The following RNF8 variants were observed in gnomAD, a reference collection of about 807,000 sequenced individuals.
RNF8 encodes E3 ubiquitin-protein ligase RNF8.
Under a neutral mutation model 59.3 loss-of-function variants are expected in RNF8, and 8 were observed. The observed-to-expected ratio is 0.13, with a 90% CI of 0.08 to 0.24. The LOEUF is 0.24. Among genes scored for constraint, RNF8 ranks in the 10% least tolerant of loss-of-function variants. RNF8 has a pLI of 1.00. For missense variants in RNF8, 406 were observed against 572.6 expected (o/e 0.71, Z 2.97); for synonymous variants, 162 against 200.0 (o/e 0.81, Z 1.60).
chr6:37,384,549 C>A (rs1770416544), intron 7 of RNF8, among the ~76,000 whole-genome samples: 1 of 152,224 alleles, frequency 6.6e-6, no homozygotes, highest in South Asian at 2.1e-4. Context: ...GAATCTGTGA[C>A]ACAAAGACCC....
rs183645889 is a variant in RNF8, at chr6:37,392,415, G to T, written c.*1657G>T. On this transcript the variant is annotated 3_prime_UTR_variant, in exon 8 of 8. Coordinates refer to ENST00000373479, the MANE Select transcript of RNF8 (RefSeq NM_003958.4). The stretch of plus-strand genomic sequence containing the variant: ...TTTGAAATTAAAGGTACAAAATGGC[G>T]TAGAATGAAATGCCTCTCACCCTTT... 2 of 398,442 alleles carry T rather than the reference G, an allele frequency of 5.0e-6. No homozygotes were observed. Among genetic ancestry groups the T allele is most frequent in the African/African-American group, 4.1e-5 (2 of 48,636 alleles). 24.7% of individuals were successfully genotyped at this position (398,442 alleles called of 1,614,324 possible).
intron 2 of RNF8, 140 bp from the exon 3 acceptor site, chr6:37,368,344 G>A (rs772180660): frequency 3.0e-5 from 48 of 1,593,896 alleles, no homozygotes; most frequent in African/African-American, 6.7e-5. Context: ...AAGGATGGTC[G>A]TTTATGAATC....
chr6:37,377,488 T>G (rs1641531221), intron 6 of RNF8, among the ~76,000 whole-genome samples: 1 of 152,182 alleles, frequency 6.6e-6, no homozygotes, highest in South Asian at 2.1e-4. Context: ...ACTATTTGAT[T>G]TCAAAGTCAC....
intron 2 of RNF8, among the ~76,000 whole-genome samples, chr6:37,363,578 C>T (rs557159204): frequency 1.0e-3 from 157 of 152,330 alleles, no homozygotes; most frequent in African/African-American, 3.4e-3. Context: ...TCTACACATT[C>T]ACCAGAGTGG....
intron 7 of RNF8, among the ~76,000 whole-genome samples, chr6:37,383,795 T>G (rs1770375384): frequency 6.6e-6 from 1 of 152,186 alleles, no homozygotes; most frequent in South Asian, 2.1e-4. Context: ...TCTTGTATCA[T>G]GAGTCACTGT....
chr6:37,384,395 G>A (rs9470569), intron 7 of RNF8, among the ~76,000 whole-genome samples: 1 of 152,008 alleles, frequency 6.6e-6, no homozygotes, highest in Non-Finnish European at 1.5e-5. Context: ...ACCCCGCTCC[G>A]CCCCCCAAAG....
At position 37,390,819 on chromosome 6, in the gene RNF8, A is replaced by G; in HGVS notation, c.*61A>G. 6.2e-7 allele frequency: 1 copy of G among 1,614,058 alleles called. No individual in the cohort carries two copies. The highest frequency in any genetic ancestry group is 8.5e-7 in the Non-Finnish European group (1 of 1,179,948). On this transcript the variant is annotated 3_prime_UTR_variant, in exon 8 of 8. Transcript: ENST00000373479. ...GTAGTGCGAGCCTGAGATGGTCTGG[A>G]GGATTCTCTCTAGCCGTGACTCCGC...
chr6:37,374,513 C>G lies in RNF8; in HGVS notation c.1039-107C>G, dbSNP rs986845426. 3.0e-5 allele frequency: 24 copies of G among 787,234 alleles called. No individual in the cohort carries two copies. In the African/African-American group the frequency reaches 4.2e-4, roughly 14 times the overall value. The allele number at this position is 787,234 out of a possible 1,614,324, so 48.8% of individuals were successfully genotyped here. ...TTTGAAATTGCCAATTTATCGATCC[C>G]TGAACCACAAAGTCACTAACTAGAG... On this transcript the variant is annotated intron_variant, in intron 4 of 7. Coordinates refer to ENST00000373479, the MANE Select transcript of RNF8 (RefSeq NM_003958.4).
chr6:37,370,589 G>C (rs1769760908), intron 3 of RNF8, among the ~76,000 whole-genome samples: 1 of 152,052 alleles, frequency 6.6e-6, no homozygotes, highest in African/African-American at 2.4e-5. Context: ...ATAGTGAAGT[G>C]TATCTAGTCC....
At chr6:37,357,999 T>C (rs1769182753) in intron 1 of RNF8, among the ~76,000 whole-genome samples, 1 of 152,182 alleles carries the variant, frequency 6.6e-6, no homozygotes, top group Non-Finnish European at 1.5e-5. Flanking sequence ...TACTTCCTAA[T>C]AACTGAAGAA....
rs192970670 is a variant in RNF8, at chr6:37,360,287, C to A, written c.112-159C>A. 6.6e-6 allele frequency among the ~76,000 whole-genome samples: 1 copy of A among 152,284 alleles called. No individual in the cohort carries two copies. Among genetic ancestry groups the A allele is most frequent in the East Asian group, 1.9e-4 (1 of 5,180 alleles). On this transcript the variant is annotated intron_variant, in intron 1 of 7. Coordinates refer to ENST00000373479, the MANE Select transcript of RNF8 (RefSeq NM_003958.4). This position sits in a 1 kb window ranked among gnomAD's most constrained non-coding sequence, Gnocchi z 4.2. ...TTTTTCTACTTGGTGGTTCTCAAGA[C>A]AGCTGAAGAGGAGATAGCTGATGCA...
At chr6:37,355,657 T>C (rs1479384911) in intron 1 of RNF8, among the ~76,000 whole-genome samples, 1 of 152,214 alleles carries the variant, frequency 6.6e-6, no homozygotes, top group African/African-American at 2.4e-5. Context: ...GGGAGTGTTA[T>C]AAAGGGTTAC....
chr6:37,358,681 G>A (rs1299419976), intron 1 of RNF8, among the ~76,000 whole-genome samples: 1 of 152,074 alleles, frequency 6.6e-6, no homozygotes, highest in African/African-American at 2.4e-5. Flanking sequence ...GGACTGAGGA[G>A]GACAGGCATT....
chr6:37,362,542 G>A (rs925695017), intron 2 of RNF8, among the ~76,000 whole-genome samples: 2 of 152,180 alleles, frequency 1.3e-5, no homozygotes, highest in Non-Finnish European at 2.9e-5. Flanking sequence ...GCTAGGACTG[G>A]GGTGTTTTGA....
chr6:37,374,614 T>G lies in RNF8; in HGVS notation c.1039-6T>G. ...TCCTGAGTATGTATCTGCTATGTTTTTGCAGCATTGGGCTCTAATGGAAGA... is the reference window on the plus strand; with the variant it reads ...TCCTGAGTATGTATCTGCTATGTTTGTGCAGCATTGGGCTCTAATGGAAGA... On this transcript the variant is annotated splice_polypyrimidine_tract_variant and splice_region_variant and intron_variant, in intron 4 of 7. Coordinates refer to ENST00000373479, the MANE Select transcript of RNF8 (RefSeq NM_003958.4). The G allele has an allele frequency of 6.2e-7, 1 of 1,612,128 alleles. No homozygotes were observed.
intron 1 of RNF8, among the ~76,000 whole-genome samples, chr6:37,358,886 C>T (rs1769212628): frequency 6.6e-6 from 1 of 152,092 alleles, no homozygotes; most frequent in Non-Finnish European, 1.5e-5. Context: ...CACTTGAGAT[C>T]AGGAGTTCGA....
At chr6:37,371,865 C>G (rs1296462698) in intron 4 of RNF8, among the ~76,000 whole-genome samples, 1 of 152,172 alleles carries the variant, frequency 6.6e-6, no homozygotes, top group Non-Finnish European at 1.5e-5. Flanking sequence ...GGCTCCACTT[C>G]TAGAAAGGTG....
At chr6:37,359,694 C>T (rs935017922) in intron 1 of RNF8, among the ~76,000 whole-genome samples, 1 of 151,992 alleles carries the variant, frequency 6.6e-6, no homozygotes, top group South Asian at 2.1e-4. Context: ...TTCCTAAGTT[C>T]GAGGATACAC....
intron 4 of RNF8, among the ~76,000 whole-genome samples, chr6:37,372,759 A>G (rs185840303): frequency 6.6e-6 from 1 of 152,190 alleles, no homozygotes; most frequent in Non-Finnish European, 1.5e-5. Context: ...CACCAGAGGT[A>G]GGGAGTTCAA....
Sources: allele counts gnomAD v4.1 joint callset (sites outside exome capture counted in the v4.1 genomes callset), GRCh38; gene constraint gnomAD v4.1.1; non-coding constraint Gnocchi (gnomAD v3.1); transcripts MANE v1.5; gene names NCBI Gene and HGNC (gene_info 2026-07-23, HGNC 2026-07-21).